Variants in HS1BP3 observed in about 807,000 individuals in gnomAD.
The protein encoded by HS1BP3 is HCLS1 binding protein 3.
HS1BP3 carries 32 observed loss-of-function variants against 33.5 expected under a neutral mutation model. That is an observed-to-expected ratio of 0.95 (90% confidence interval 0.72 to 1.28). The LOEUF (loss-of-function observed/expected upper bound fraction) is 1.28, where lower values mean the gene tolerates loss of function less well. HS1BP3 is among the 50% of genes most tolerant of loss of function. The pLI is 0.00. For synonymous variants in HS1BP3, 187 were observed against 209.2 expected (o/e 0.89, Z 0.92); for missense variants, 486 against 502.3 (o/e 0.97, Z 0.31).
chr2:20,585,603 A>G (rs575592465), intron 5 of HS1BP3, among the ~76,000 whole-genome samples: 128 of 152,308 alleles, frequency 8.4e-4, no homozygotes, highest in Non-Finnish European at 1.5e-3. Context: ...TTGCTTTGCC[A>G]CAACATCAGA....
At chr2:20,607,653 C>G (rs1252244237) in intron 2 of HS1BP3, among the ~76,000 whole-genome samples, 1 of 152,230 alleles carries the variant, frequency 6.6e-6, no homozygotes, top group Non-Finnish European at 1.5e-5. Flanking sequence ...ATTACTGTAA[C>G]TTTGTAGTGA....
rs1322449879 is a variant in HS1BP3, at chr2:20,641,029, C to T, written c.350G>A (p.Arg117His). The T allele has an allele frequency of 6.8e-6, 11 of 1,614,048 alleles. No individual in the cohort carries two copies. Among genetic ancestry groups the T allele is most frequent in the African/African-American group, 2.7e-5 (2 of 74,936 alleles). Residue 117 changes from arginine to histidine, a missense_variant, in exon 3 of 7, where the codon CGC (arginine) becomes CAC (histidine). By Grantham distance (29) the Arg-to-His change is conservative. Coordinates refer to ENST00000304031, the MANE Select transcript of HS1BP3 (RefSeq NM_022460.4). ...CAACTCGGCATCCTTGGAGACACAG[C>T]GCAGGATCTCATTGAACACGGCTCT... The part of the protein sequence containing the change: ...ERRAVFNEIL[R>H]CVSKDAELAG...
chr2:20,585,499 G>T (rs967033830), intron 5 of HS1BP3, among the ~76,000 whole-genome samples: 16 of 152,268 alleles, frequency 1.1e-4, no homozygotes, highest in African/African-American at 3.9e-4. Flanking sequence ...GAAGAAACAG[G>T]CTCAGAGAAG....
intron 2 of HS1BP3, among the ~76,000 whole-genome samples, chr2:20,642,361 C>CT (rs1176457856): frequency 4.0e-5 from 1 of 25,222 alleles, no homozygotes; most frequent in African/African-American, 9.4e-5. Flanking sequence ...CAGGAGGCAG[C>CT]TGGGGGGATT....
chr2:20,619,517 C>T (rs1381794778), intron 6 of HS1BP3, among the ~76,000 whole-genome samples: 1 of 152,216 alleles, frequency 6.6e-6, no homozygotes, highest in African/African-American at 2.4e-5. Context: ...GAGAGTTGCT[C>T]TTCAGGTGAC....
the HS1BP3 span, among the ~76,000 whole-genome samples, chr2:20,555,204 A>G: frequency 6.6e-6 from 1 of 152,208 alleles, no homozygotes. Flanking sequence ...GTTCCAAAAC[A>G]AGGCCTTTAT....
chr2:20,587,880 G>C (rs896195688), downstream of HS1BP3, among the ~76,000 whole-genome samples: 1 of 152,160 alleles, frequency 6.6e-6, no homozygotes, highest in Non-Finnish European at 1.5e-5. Context: ...GTCATGCATG[G>C]GCAGCTCTGT....
intron 2 of HS1BP3, among the ~76,000 whole-genome samples, chr2:20,600,050 A>C: frequency 6.6e-6 from 1 of 152,152 alleles, no homozygotes; most frequent in East Asian, 1.9e-4. Context: ...AAATCAGTTA[A>C]GCTTCCTTCC....
chr2:20,589,066 G>A (rs937780758), downstream of HS1BP3, among the ~76,000 whole-genome samples: 2 of 152,218 alleles, frequency 1.3e-5, no homozygotes, highest in Non-Finnish European at 2.9e-5. Flanking sequence ...GCATCAAACT[G>A]TCTCTCCTTT....
rs568418360 is a variant in HS1BP3, at chr2:20,564,695, G to T, written c.303-4180C>A. Reference sequence around the variant, plus strand: ...GATGGAGTTTCACCATGTTGGCCAGGCTGGTCTCGAACTCCTGATCTCAGG... The same window carrying T: ...GATGGAGTTTCACCATGTTGGCCAGTCTGGTCTCGAACTCCTGATCTCAGG... On this transcript the variant is annotated intron_variant, in intron 5 of 5. Coordinates refer to the HS1BP3 transcript ENST00000446825. 3.9e-5 allele frequency among the ~76,000 whole-genome samples: 6 copies of T among 152,252 alleles called. No homozygotes were observed. In the South Asian group the frequency reaches 1.0e-3, roughly 26 times the overall value.
At chr2:20,614,165 T>C (rs1055212624), downstream of HS1BP3, among the ~76,000 whole-genome samples, 5 of 152,072 alleles carry the variant, frequency 3.3e-5, no homozygotes, top group Non-Finnish European at 7.4e-5. Context: ...GGACCCCAAG[T>C]GTTGCCAGGA....
At chr2:20,641,518 A>G (rs1695350335) in intron 2 of HS1BP3, among the ~76,000 whole-genome samples, 1 of 152,188 alleles carries the variant, frequency 6.6e-6, no homozygotes, top group Admixed American at 6.5e-5. Flanking sequence ...AGCTTTCTGC[A>G]TATCAGGAGG....
intron 2 of HS1BP3, among the ~76,000 whole-genome samples, chr2:20,609,436 G>A (rs1176061930): frequency 4.1e-5 from 4 of 98,142 alleles, no homozygotes; most frequent in African/African-American, 8.3e-5. Context: ...GCCTGTTCTC[G>A]TGAGGCCTGT....
In HS1BP3 at chr2:20,623,878, G is replaced by A. The variant is rs376244777; in HGVS notation, c.920+18C>T. 8.1e-6 allele frequency: 13 copies of A among 1,606,800 alleles called. No individual in the cohort carries two copies. The highest frequency in any genetic ancestry group is 2.2e-5 in the East Asian group (1 of 44,722). On this transcript the variant is annotated intron_variant, in intron 6 of 6. Coordinates refer to ENST00000304031, the MANE Select transcript of HS1BP3 (RefSeq NM_022460.4). Reference sequence around the variant, plus strand: ...ACACTCTCAGAGCTGGCCAAGCGCCGCTGGGGACAGGTGGTACCTGAACAG... The same window carrying A: ...ACACTCTCAGAGCTGGCCAAGCGCCACTGGGGACAGGTGGTACCTGAACAG...
chr2:20,598,606 T>A (rs1693999902), intron 2 of HS1BP3, among the ~76,000 whole-genome samples: 1 of 120,738 alleles, frequency 8.3e-6, no homozygotes, highest in Non-Finnish European at 1.6e-5. Context: ...TCGCCCAGGC[T>A]GGAGTGCAGT....
chr2:20,645,706 G>A (rs1370299692), intron 1 of HS1BP3, among the ~76,000 whole-genome samples: 1 of 152,198 alleles, frequency 6.6e-6, no homozygotes, highest in Non-Finnish European at 1.5e-5. Context: ...TCGAGGCCTC[G>A]GACCTGGTCC....
At chr2:20,617,623 C>A (rs981404351), downstream of HS1BP3, among the ~76,000 whole-genome samples, 1 of 142,298 alleles carries the variant, frequency 7.0e-6, no homozygotes, top group African/African-American at 2.5e-5. Context: ...CGGGGGCTCC[C>A]TCAGGGCTGG....
At chr2:20,594,298 C>T (rs940317559) in intron 3 of HS1BP3, among the ~76,000 whole-genome samples, 5 of 152,326 alleles carry the variant, frequency 3.3e-5, no homozygotes, top group African/African-American at 1.2e-4. Context: ...TTGGGCAACA[C>T]GTCCACGTGA....
At chr2:20,590,482 C>T (rs564185594), downstream of HS1BP3, among the ~76,000 whole-genome samples, 107 of 152,344 alleles carry the variant, frequency 7.0e-4, no homozygotes, top group African/African-American at 2.2e-3. Context: ...CCCCTCATCC[C>T]GGAGCAGCCC....
Sources: allele counts gnomAD v4.1 joint callset (sites outside exome capture counted in the v4.1 genomes callset), GRCh38; gene constraint gnomAD v4.1.1; transcripts MANE v1.5; gene names NCBI Gene and HGNC (gene_info 2026-07-23, HGNC 2026-07-21).